Variants in DSCAM observed in about 807,000 individuals in gnomAD.
DSCAM encodes the protein cell adhesion molecule DSCAM.
In DSCAM, 47 loss-of-function variants were observed where a neutral mutation model predicts 217.7. That is an observed-to-expected ratio of 0.22 (90% confidence interval 0.17 to 0.28). The LOEUF (loss-of-function observed/expected upper bound fraction) is 0.28. Ranked by LOEUF, DSCAM falls within the 10% of genes least tolerant of loss-of-function variation. DSCAM has a pLI of 1.00. For synonymous variants in DSCAM, 1,056 were observed against 1,015.3 expected (o/e 1.04, Z -0.76); for missense variants, 2,080 against 2,618.3 (o/e 0.79, Z 4.49).
intron 30 of DSCAM, among the ~76,000 whole-genome samples, chr21:40,049,473 C>A (rs1018637291): frequency 6.6e-6 from 1 of 152,160 alleles, no homozygotes; most frequent in Non-Finnish European, 1.5e-5. Flanking sequence ...CTGCTCCACA[C>A]GCCCGCTGAC....
At chr21:40,804,417 C>T (rs995725611) in intron 1 of DSCAM, among the ~76,000 whole-genome samples, 1 of 152,130 alleles carries the variant, frequency 6.6e-6, no homozygotes, top group Non-Finnish European at 1.5e-5. Context: ...ATTGCCATTG[C>T]CTCTCCACTG....
chr21:40,424,909 C>T (rs1259972947), intron 3 of DSCAM, among the ~76,000 whole-genome samples: 1 of 151,962 alleles, frequency 6.6e-6, no homozygotes, highest in Non-Finnish European at 1.5e-5. Flanking sequence ...GCTTGGCCAA[C>T]ATGGTGAATC....
chr21:40,241,650 G>A (rs7281487), intron 11 of DSCAM, among the ~76,000 whole-genome samples: 84,733 of 151,964 alleles, frequency 0.56, 25,137 homozygotes, highest in African/African-American at 0.77. Flanking sequence ...TACTGGGTAT[G>A]TATCCAGAGG....
At chr21:40,372,205 T>C (rs1218948052) in intron 3 of DSCAM, among the ~76,000 whole-genome samples, 1 of 152,192 alleles carries the variant, frequency 6.6e-6, no homozygotes, top group African/African-American at 2.4e-5. Flanking sequence ...GTACCCCACT[T>C]GCTACCTTAT....
At chr21:40,330,915 C>T (rs1401936057) in intron 8 of DSCAM, among the ~76,000 whole-genome samples, 4 of 152,088 alleles carry the variant, frequency 2.6e-5, no homozygotes, top group Admixed American at 2.6e-4. Flanking sequence ...GTCTATATTT[C>T]TCGTGTATTA....
intron 3 of DSCAM, among the ~76,000 whole-genome samples, chr21:40,579,221 C>T (rs977495337): frequency 2.6e-5 from 4 of 151,380 alleles, no homozygotes; most frequent in Non-Finnish European, 5.9e-5. Flanking sequence ...ATATGAAGTT[C>T]AGAGGTACAT....
At chr21:40,374,058 TCA>T (rs1371719185) in intron 3 of DSCAM, among the ~76,000 whole-genome samples, 1 of 151,688 alleles carries the variant, frequency 6.6e-6, no homozygotes, top group Non-Finnish European at 1.5e-5. Context: ...AAATTTCAAA[TCA>T]CAAAAAAAGG....
intron 8 of DSCAM, among the ~76,000 whole-genome samples, chr21:40,328,299 AT>A (rs1427562437): frequency 1.3e-5 from 2 of 152,156 alleles, no homozygotes; most frequent in African/African-American, 4.8e-5. Context: ...TCATAGACCA[AT>A]GGACCAGAAT....
rs73905023 is a variant in DSCAM, at chr21:40,648,919, G to C, written c.508+43891C>G. The stretch of plus-strand genomic sequence containing the variant: ...GACACGGGACAGGAGCTCGGGAACT[G>C]CCAAACATGGGTACAAGCTATAGGA... On this transcript the variant is annotated intron_variant, in intron 3 of 32. Coordinates refer to ENST00000400454, the MANE Select transcript of DSCAM (RefSeq NM_001389.5). Among the ~76,000 whole-genome samples, 254 of 152,286 alleles carry C rather than the reference G, an allele frequency of 1.7e-3. 4 individuals carry two copies. The highest frequency in any genetic ancestry group is 5.4e-3 in the African/African-American group (225 of 41,560).
chr21:40,396,479 C>A (rs2075179544), intron 3 of DSCAM, among the ~76,000 whole-genome samples: 1 of 152,108 alleles, frequency 6.6e-6, no homozygotes, highest in Admixed American at 6.6e-5. Context: ...GGAGGGTGAG[C>A]AGGTGAAGAA....
chr21:40,275,482 G>T (rs2073674460), intron 11 of DSCAM, among the ~76,000 whole-genome samples: 2 of 152,258 alleles, frequency 1.3e-5, no homozygotes, highest in South Asian at 4.2e-4. Context: ...AGTAAAACTG[G>T]TTCACTTTAT....
At chr21:40,576,071 A>G (rs1382746674) in intron 3 of DSCAM, among the ~76,000 whole-genome samples, 2 of 138,956 alleles carry the variant, frequency 1.4e-5, no homozygotes, top group African/African-American at 5.2e-5. Flanking sequence ...GAAGTTTTAT[A>G]AAGTTAAACA....
At chr21:40,614,909 C>T (rs1254700791) in intron 3 of DSCAM, among the ~76,000 whole-genome samples, 1 of 152,044 alleles carries the variant, frequency 6.6e-6, no homozygotes, top group Non-Finnish European at 1.5e-5. Flanking sequence ...TCTATATACA[C>T]ACACTTATGC....
At chr21:40,488,819 CAATT>C (rs1379117467) in intron 3 of DSCAM, among the ~76,000 whole-genome samples, 1 of 152,148 alleles carries the variant, frequency 6.6e-6, no homozygotes, top group East Asian at 1.9e-4. Context: ...TTACTGGACA[CAATT>C]TAAATTCTAG....
intron 14 of DSCAM, among the ~76,000 whole-genome samples, chr21:40,183,095 C>CA (rs1555886884): frequency 0.023 from 91 of 3,914 alleles, 23 homozygotes; most frequent in African/African-American, 0.059. Context: ...AAACCGTGGA[C>CA]GGGGGGGGTT....
At chr21:40,552,600 C>A (rs143259574) in intron 3 of DSCAM, among the ~76,000 whole-genome samples, 1 of 152,320 alleles carries the variant, frequency 6.6e-6, no homozygotes, top group African/African-American at 2.4e-5. Context: ...CCTATTCTAT[C>A]TCAGCTATTC....
chr21:40,542,218 T>A (rs1229029522), intron 3 of DSCAM, among the ~76,000 whole-genome samples: 1 of 152,194 alleles, frequency 6.6e-6, no homozygotes, highest in Non-Finnish European at 1.5e-5. Flanking sequence ...AAAAAATGAA[T>A]GTTCAGTGCT....
intron 3 of DSCAM, among the ~76,000 whole-genome samples, chr21:40,626,417 AT>A (rs1367199516): frequency 6.6e-6 from 1 of 152,064 alleles, no homozygotes; most frequent in Admixed American, 6.6e-5. Flanking sequence ...CGTACTCCCC[AT>A]CTCTAGTAGC....
intron 2 of DSCAM, among the ~76,000 whole-genome samples, chr21:40,700,218 C>A: frequency 6.6e-6 from 1 of 152,286 alleles, no homozygotes; most frequent in Middle Eastern, 3.4e-3. Flanking sequence ...CAGGATAGAA[C>A]CTCCAGGACG....
Sources: allele counts gnomAD v4.1 joint callset (sites outside exome capture counted in the v4.1 genomes callset), GRCh38; gene constraint gnomAD v4.1.1; transcripts MANE v1.5; gene names NCBI Gene and HGNC (gene_info 2026-07-23, HGNC 2026-07-21).